Variants in NECTIN4 observed in about 807,000 individuals in gnomAD.
NECTIN4 encodes the protein nectin cell adhesion molecule 4, also known as nectin-4.
NECTIN4 carries 19 observed loss-of-function variants against 51.7 expected under a neutral mutation model. The observed-to-expected ratio is 0.37, with a 90% CI of 0.26 to 0.54. NECTIN4 has a LOEUF of 0.54. Among genes scored for constraint, NECTIN4 ranks in the 20% least tolerant of loss-of-function variants. NECTIN4 has a pLI of 0.86. For missense variants in NECTIN4, 619 were observed against 662.4 expected (o/e 0.93, Z 0.72); for synonymous variants, 283 against 286.9 (o/e 0.99, Z 0.14).
intron 1 of NECTIN4, 139 bp from the exon 2 acceptor site, chr1:161,080,088 T>G: frequency 9.6e-7 from 1 of 1,036,998 alleles, no homozygotes; most frequent in East Asian, 2.5e-5. Flanking sequence ...GTTCATTACC[T>G]TATTAAATCT....
chr1:161,073,236 A>T lies in NECTIN4; in HGVS notation c.1297T>A (p.Cys433Ser). ...HPDSLKDNSS[C>S]SVMSEEPEGR... ...GCCGGGGGCCTCACCATCACAGAGCAGCTACTGTTGTCCTTGAGACTATCA... is the reference window on the plus strand; with the variant it reads ...GCCGGGGGCCTCACCATCACAGAGCTGCTACTGTTGTCCTTGAGACTATCA... The change falls in exon 8 of 9, where the codon TGC (cysteine) becomes AGC (serine). Residue 433 changes from cysteine (C) to serine (S), a missense_variant. By Grantham distance (112) the Cys-to-Ser change is moderately radical. Around this residue, in one of 3 missense-constraint regions of NECTIN4, gnomAD observed 364 missense variants for 415.7 expected, o/e 0.88. Transcript: ENST00000368012. The T allele has an allele frequency of 1.2e-6, 2 of 1,614,068 alleles. No individual in the cohort carries two copies. Among genetic ancestry groups the T allele is most frequent in the South Asian group, 1.1e-5 (1 of 91,086 alleles).
chr1:161,078,855 C>T (rs899857421), intron 2 of NECTIN4, among the ~76,000 whole-genome samples: 1 of 151,826 alleles, frequency 6.6e-6, no homozygotes, highest in Non-Finnish European at 1.5e-5. Flanking sequence ...ACTAAAAATA[C>T]ACAAAAATTA....
Position 161,074,281 on chromosome 1 carries a change from C to A in NECTIN4, c.1093G>T (p.Val365Leu). 3 of 1,614,062 alleles carry A rather than the reference C, an allele frequency of 1.9e-6. No homozygotes were observed. The highest frequency in any genetic ancestry group is 1.7e-6 in the Non-Finnish European group (2 of 1,179,998). The change falls in exon 6 of 9, where the codon GTG becomes TTG. Residue 365 changes from valine (V) to leucine (L), a missense_variant. Physicochemically the swap from Val to Leu is conservative, Grantham distance 32. Around this residue, in one of 3 missense-constraint regions of NECTIN4, gnomAD observed 364 missense variants for 415.7 expected, o/e 0.88. Transcript: ENST00000368012. ...VIAALLFCLL[V>L]VVVVLMSRYH... Reference sequence around the variant, plus strand: ...CGGGACATGAGCACCACCACCACCACCAGAAGGCAGAACAAGAGTGCGGCG... The same window carrying A: ...CGGGACATGAGCACCACCACCACCAACAGAAGGCAGAACAAGAGTGCGGCG...
chr1:161,072,481 A>G lies in NECTIN4; in HGVS notation c.*180T>C. ...CAGTGACCTGCATGCATGGTGGGAG[A>G]GACTCAATTGGTGGAGCCCTCCCGA... On this transcript the variant is annotated 3_prime_UTR_variant, in exon 9 of 9. Coordinates refer to ENST00000368012, the MANE Select transcript of NECTIN4 (RefSeq NM_030916.3). The G allele has an allele frequency of 1.5e-6, 1 of 658,068 alleles. No individual in the cohort carries two copies. 40.8% of individuals were successfully genotyped at this position (658,068 alleles called of 1,614,324 possible).
intron 2 of NECTIN4, among the ~76,000 whole-genome samples, chr1:161,078,527 C>T (rs1169767421): frequency 1.3e-5 from 2 of 151,782 alleles, no homozygotes; most frequent in African/African-American, 2.4e-5. Flanking sequence ...AGGCTGGTCT[C>T]GAACTCCTGA....
chr1:161,072,479 A>G lies in NECTIN4; in HGVS notation c.*182T>C. ...CACAGTGACCTGCATGCATGGTGGGAGAGACTCAATTGGTGGAGCCCTCCC... is the reference window on the plus strand; with the variant it reads ...CACAGTGACCTGCATGCATGGTGGGGGAGACTCAATTGGTGGAGCCCTCCC... On this transcript the variant is annotated 3_prime_UTR_variant, in exon 9 of 9. Coordinates refer to ENST00000368012, the MANE Select transcript of NECTIN4 (RefSeq NM_030916.3). 1 of 656,882 alleles carries G rather than the reference A, an allele frequency of 1.5e-6. No homozygotes were observed. Among genetic ancestry groups the G allele is most frequent in the Non-Finnish European group, 2.8e-6 (1 of 361,430 alleles). The allele number at this position is 656,882 out of a possible 1,614,324, so 40.7% of individuals were successfully genotyped here.
intron 6 of NECTIN4, among the ~76,000 whole-genome samples, 190 bp from the exon 7 acceptor site, chr1:161,073,985 TGGC>T (rs1463558282): frequency 6.6e-6 from 1 of 152,164 alleles, no homozygotes; most frequent in African/African-American, 2.4e-5. Flanking sequence ...TGTGCATACT[TGGC>T]AACATCCAGG....
Position 161,089,425 on chromosome 1 carries a change from G to A in NECTIN4, c.-129C>T. 2 of 828,280 alleles carry A rather than the reference G, an allele frequency of 2.4e-6. No individual in the cohort carries two copies. Among genetic ancestry groups the A allele is most frequent in the Admixed American group, 4.0e-5 (2 of 50,358 alleles). 51.3% of individuals were successfully genotyped at this position (828,280 alleles called of 1,614,324 possible). The stretch of plus-strand genomic sequence containing the variant: ...CAGAGTTCTTGCCTCTCGCACTTGG[G>A]TCTCCACTAGGGGACCCAGCCCCAG... On this transcript the variant is annotated 5_prime_UTR_variant, in exon 1 of 9. Coordinates refer to ENST00000368012, the MANE Select transcript of NECTIN4 (RefSeq NM_030916.3). The surrounding 1 kb of genome is among the most constrained non-coding windows in gnomAD (Gnocchi z 4.1).
chr1:161,083,056 C>T (rs1653760225), intron 1 of NECTIN4, among the ~76,000 whole-genome samples: 1 of 152,188 alleles, frequency 6.6e-6, no homozygotes, highest in South Asian at 2.1e-4. Context: ...GCATTAGATA[C>T]CCAGCGCATG....
chr1:161,074,880 C>A lies in NECTIN4; in HGVS notation c.852-121G>T, dbSNP rs767051215. The A allele has an allele frequency of 5.3e-4, 549 of 1,044,962 alleles. 1 individual carries two copies. Among genetic ancestry groups the A allele is most frequent in the Non-Finnish European group, 6.9e-4 (494 of 716,340 alleles). The allele number at this position is 1,044,962 out of a possible 1,614,324, so 64.7% of individuals were successfully genotyped here. On this transcript the variant is annotated intron_variant, in intron 4 of 8. Coordinates refer to ENST00000368012, the MANE Select transcript of NECTIN4 (RefSeq NM_030916.3). ...ACGTCACCCAGAGCCGCAGGCTGTT[C>A]CCACGGTGCCCCTCCCTCCACCAGG...
Position 161,073,180 on chromosome 1 carries a change from G to A in NECTIN4, c.1308+45C>T, listed in dbSNP as rs961874531. The A allele has an allele frequency of 3.9e-6, 6 of 1,545,034 alleles. No individual in the cohort carries two copies. In the African/African-American group the frequency reaches 6.8e-5, roughly 17 times the overall value. On this transcript the variant is annotated intron_variant, in intron 8 of 8. Transcript: ENST00000368012. ...CACCATATCTGGGACCAGGACAGGG[G>A]CCCGAGGAGAGTGGTGGGGACACCG...
Position 161,073,677 on chromosome 1 carries a change from G to A in NECTIN4, c.1233+43C>T, listed in dbSNP as rs201378667. 17 of 1,532,726 alleles carry A rather than the reference G, an allele frequency of 1.1e-5. No homozygotes were observed. The East Asian group carries it at 2.9e-4, about 26-fold the overall frequency. The allele number at this position is 1,532,726 out of a possible 1,614,324, so 94.9% of individuals were successfully genotyped here. A position where few individuals can be genotyped will look rare whatever the true frequency, so the allele number is the denominator to read the frequency against. ...GGCCCAGGCACAAGCAGACCCCAAT[G>A]CGACCACACCCCTGCATGCATACAC... On this transcript the variant is annotated intron_variant, in intron 7 of 8. Transcript: ENST00000368012.
intron 2 of NECTIN4, among the ~76,000 whole-genome samples, chr1:161,078,861 A>G (rs1451438798): frequency 6.6e-6 from 1 of 151,808 alleles, no homozygotes; most frequent in African/African-American, 2.4e-5. Context: ...AATACACAAA[A>G]ATTAACTGGG....
chr1:161,077,492 G>A lies in NECTIN4; in HGVS notation c.691C>T (p.Leu231Phe). The A allele has an allele frequency of 6.2e-7, 1 of 1,614,148 alleles. No individual in the cohort carries two copies. The highest frequency in any genetic ancestry group is 1.1e-5 in the South Asian group (1 of 91,084). ...LTCVVSHPGL[L>F]QDQRITHILH... ...ATGTGGGTGATCCTTTGGTCCTGGA[G>A]CAGGCCAGGATGGGACACCACACAA... The change falls in exon 3 of 9, where the codon CTC (leucine) becomes TTC (phenylalanine). Residue 231 changes from leucine to phenylalanine, a missense_variant. Coordinates refer to ENST00000368012, the MANE Select transcript of NECTIN4 (RefSeq NM_030916.3).
At chr1:161,073,677 G>T in intron 7 of NECTIN4, 43 bp downstream of exon 7, 1 of 1,532,726 alleles carries the variant, frequency 6.5e-7, no homozygotes. Context: ...AGACCCCAAT[G>T]CGACCACACC....
intron 5 of NECTIN4, 53 bp downstream of exon 5, chr1:161,074,558 C>G: frequency 6.2e-7 from 1 of 1,608,324 alleles, no homozygotes; most frequent in Non-Finnish European, 8.5e-7. Context: ...CCTGCTGCCC[C>G]CACCAAGCCC....
In NECTIN4 at chr1:161,074,388, C is replaced by A; in HGVS notation, c.1001-15G>T. On this transcript the variant is annotated splice_polypyrimidine_tract_variant and intron_variant, in intron 5 of 8. Transcript: ENST00000368012. ...TTCCTGGGGGTCTGCTGGAGACAGG[C>A]CACTGTCTGAGGTGGAAGCCTGCAG... 1 of 1,613,982 alleles carries A rather than the reference C, an allele frequency of 6.2e-7. No individual in the cohort carries two copies. Among genetic ancestry groups the A allele is most frequent in the Non-Finnish European group, 8.5e-7 (1 of 1,179,964 alleles).
chr1:161,079,698 A>G lies in NECTIN4; in HGVS notation c.331T>C (p.Ser111Pro). ...PPPPRNPLDG[S>P]VLLRNAVQAD... is the part of the protein sequence containing the mutation. ...TGCACTGCGTTGCGCAGGAGCACTG[A>G]GCCGTCCAGGGGGTTGCGTGGGGGC... The change falls in exon 2 of 9, where the codon TCA becomes CCA. Residue 111 changes from serine (S) to proline (P), a missense_variant. Physicochemically the swap from Ser to Pro is moderately conservative, Grantham distance 74. Transcript: ENST00000368012. 1 of 1,608,386 alleles carries G rather than the reference A, an allele frequency of 6.2e-7. No individual in the cohort carries two copies.
Position 161,089,332 on chromosome 1 carries a change from C to G in NECTIN4, c.-36G>C. 1 of 1,575,788 alleles carries G rather than the reference C, an allele frequency of 6.3e-7. No individual in the cohort carries two copies. The highest frequency in any genetic ancestry group is 8.6e-7 in the Non-Finnish European group (1 of 1,156,266). Reference sequence around the variant, plus strand: ...CAGACTGCCCAGCGTTTCTGAAGTTCCACCGAGATCTCCCTGGGAGCCGGC... The same window carrying G: ...CAGACTGCCCAGCGTTTCTGAAGTTGCACCGAGATCTCCCTGGGAGCCGGC... On this transcript the variant is annotated 5_prime_UTR_variant, in exon 1 of 9. Transcript: ENST00000368012. This position sits in a 1 kb window ranked among gnomAD's most constrained non-coding sequence, Gnocchi z 4.1.
Sources: allele counts gnomAD v4.1 joint callset (sites outside exome capture counted in the v4.1 genomes callset), GRCh38; gene constraint gnomAD v4.1.1; regional missense constraint gnomAD v4.1.1; non-coding constraint Gnocchi (gnomAD v3.1); transcripts MANE v1.5; gene names NCBI Gene and HGNC (gene_info 2026-07-23, HGNC 2026-07-21).